MECOM: variants seen among roughly 807,000 people sequenced by gnomAD.
MECOM encodes the protein histone-lysine N-methyltransferase MECOM.
In MECOM, 13 loss-of-function variants were observed where a neutral mutation model predicts 116.3. The observed-to-expected ratio is 0.11, with a 90% CI of 0.07 to 0.18. MECOM has a LOEUF of 0.18. Ranked by LOEUF, MECOM falls within the 10% of genes least tolerant of loss-of-function variation. The pLI is 1.00. For missense variants in MECOM, 1,299 were observed against 1,509.0 expected (o/e 0.86, Z 2.31); for synonymous variants, 528 against 535.2 (o/e 0.99, Z 0.19).
chr3:169,408,288 A>C (rs1188390256), intron 1 of MECOM, among the ~76,000 whole-genome samples: 1 of 152,194 alleles, frequency 6.6e-6, no homozygotes, highest in Non-Finnish European at 1.5e-5. Flanking sequence ...AACCCAATAA[A>C]AGAATTAGCA....
chr3:169,386,768 T>C (rs188841401), intron 1 of MECOM, among the ~76,000 whole-genome samples: 60 of 152,240 alleles, frequency 3.9e-4, no homozygotes, highest in Admixed American at 3.9e-3. Context: ...GAAAACTTAG[T>C]GGGTATTGAC....
At chr3:169,315,329 C>A (rs1271259150) in intron 2 of MECOM, among the ~76,000 whole-genome samples, 1 of 152,186 alleles carries the variant, frequency 6.6e-6, no homozygotes, top group Non-Finnish European at 1.5e-5. Context: ...AAGTCTCACA[C>A]TGTCCTGTTT....
At chr3:169,246,911 A>G (rs16853376) in intron 2 of MECOM, among the ~76,000 whole-genome samples, 12,159 of 152,282 alleles carry the variant, frequency 0.08, 685 homozygotes, top group East Asian at 0.31. Flanking sequence ...TCTATGAAAG[A>G]CAATGGATTG....
intron 2 of MECOM, among the ~76,000 whole-genome samples, chr3:169,293,388 G>T (rs151239057): frequency 6.6e-6 from 1 of 152,150 alleles, no homozygotes; most frequent in Non-Finnish European, 1.5e-5. Flanking sequence ...TCATTCATTC[G>T]CACTAGCCTC....
chr3:169,214,996 G>T (rs901621018), intron 2 of MECOM, among the ~76,000 whole-genome samples: 42 of 149,932 alleles, frequency 2.8e-4, no homozygotes, highest in African/African-American at 1.0e-3. Context: ...AAAACTAAAA[G>T]CCTAAAAGCC....
chr3:169,327,070 A>G (rs1721956190), intron 2 of MECOM, among the ~76,000 whole-genome samples: 2 of 152,208 alleles, frequency 1.3e-5, no homozygotes, highest in African/African-American at 4.8e-5. Context: ...ATCATGGTTA[A>G]AGTAAGCCAA....
chr3:169,523,823 A>T (rs1375846434), intron 1 of MECOM, among the ~76,000 whole-genome samples: 1 of 151,542 alleles, frequency 6.6e-6, no homozygotes, highest in Non-Finnish European at 1.5e-5. Context: ...ATATATACAC[A>T]CATATATATA....
intron 2 of MECOM, among the ~76,000 whole-genome samples, chr3:169,273,909 C>CTTTT (rs545229387): frequency 1.7e-4 from 20 of 117,088 alleles, no homozygotes; most frequent in African/African-American, 2.9e-4. Flanking sequence ...CTCTCCAAAG[C>CTTTT]TTTTTTTTTT....
chr3:169,594,174 A>AAAAAAAAAAAAC (rs1255613781), intron 1 of MECOM, among the ~76,000 whole-genome samples: 41 of 125,922 alleles, frequency 3.3e-4, no homozygotes, highest in African/African-American at 5.5e-4. Flanking sequence ...AAAAAAAAAA[A>AAAAAAAAAAAAC]AACACCTTTT....
chr3:169,579,822 C>T (rs1336411993), intron 1 of MECOM, among the ~76,000 whole-genome samples: 2 of 152,184 alleles, frequency 1.3e-5, no homozygotes, highest in East Asian at 3.9e-4. Flanking sequence ...CTGCCAACAG[C>T]AGCCTAAAGA....
chr3:169,283,220 AGG>A (rs1712508465), intron 2 of MECOM, among the ~76,000 whole-genome samples: 1 of 152,138 alleles, frequency 6.6e-6, no homozygotes, highest in Non-Finnish European at 1.5e-5. Context: ...ACAAAAAAAG[AGG>A]TCAGGCATGG....
At chr3:169,398,288 G>A (rs567577395) in intron 1 of MECOM, among the ~76,000 whole-genome samples, 1 of 152,066 alleles carries the variant, frequency 6.6e-6, no homozygotes, top group Non-Finnish European at 1.5e-5. Context: ...TGGATTTAAA[G>A]ATTGCCACTC....
chr3:169,268,331 T>A (rs899388097), intron 2 of MECOM, among the ~76,000 whole-genome samples: 1 of 152,206 alleles, frequency 6.6e-6, no homozygotes, highest in East Asian at 1.9e-4. Flanking sequence ...TCACTTGGTC[T>A]TCTTTGGACA....
chr3:169,292,699 T>C (rs1311860706), intron 2 of MECOM, among the ~76,000 whole-genome samples: 2 of 152,108 alleles, frequency 1.3e-5, no homozygotes, highest in African/African-American at 2.4e-5. Context: ...GGAGGGTGAA[T>C]TCTGGTGGTA....
chr3:169,399,561 C>T (rs550178193), intron 1 of MECOM, among the ~76,000 whole-genome samples: 1 of 152,248 alleles, frequency 6.6e-6, no homozygotes, highest in African/African-American at 2.4e-5. Context: ...TGCAAATGTG[C>T]CCCAGAAGTG....
In MECOM at chr3:169,663,516, C is replaced by A; in HGVS notation, c.-144G>T. 5.9e-6 allele frequency: 4 copies of A among 679,138 alleles called. No individual in the cohort carries two copies. The highest frequency in any genetic ancestry group is 1.0e-5 in the Non-Finnish European group (4 of 385,916). The allele number at this position is 679,138 out of a possible 1,614,324, so 42.1% of individuals were successfully genotyped here. A position where few individuals can be genotyped will look rare whatever the true frequency, so the allele number is the denominator to read the frequency against. ...TCTCTCTCTCTCTCTCTCTCTCTCT[C>A]TCTCTCTCTCTCTCCCTCCCTCCTG... is the stretch of plus-strand genomic sequence containing the variant. On this transcript the variant is annotated 5_prime_UTR_variant, in exon 1 of 17. Transcript: ENST00000651503.
intron 2 of MECOM, chr3:169,145,923 C>T (rs1008866435): frequency 4.6e-6 from 1 of 216,848 alleles, no homozygotes; most frequent in Non-Finnish European, 9.3e-6. Context: ...CATTCTTCCT[C>T]TCAATATTCT....
chr3:169,571,192 C>A (rs531184973), intron 1 of MECOM, among the ~76,000 whole-genome samples: 2 of 152,136 alleles, frequency 1.3e-5, no homozygotes, highest in East Asian at 3.9e-4. Flanking sequence ...TCCTATATAC[C>A]AATAATAGAC....
At chr3:169,410,636 A>G (rs1737408471) in intron 1 of MECOM, among the ~76,000 whole-genome samples, 1 of 152,164 alleles carries the variant, frequency 6.6e-6, no homozygotes, top group South Asian at 2.1e-4. Flanking sequence ...TTTCTCCTCC[A>G]CATTTACAAA....
Sources: allele counts gnomAD v4.1 joint callset (sites outside exome capture counted in the v4.1 genomes callset), GRCh38; gene constraint gnomAD v4.1.1; transcripts MANE v1.5; gene names NCBI Gene and HGNC (gene_info 2026-07-23, HGNC 2026-07-21).